The following MIB1 variants were observed in gnomAD, a reference collection of about 807,000 sequenced individuals.
The protein encoded by MIB1 is E3 ubiquitin-protein ligase MIB1.
In MIB1, 278 loss-of-function variants were observed where a neutral mutation model predicts 124.5. The ratio of observed to expected loss-of-function variants is 2.23; its 90% CI spans 2.02 to 2.47. MIB1 has a LOEUF of 2.47. Ranked by LOEUF, MIB1 falls within the 30% of genes most tolerant of loss-of-function variation. MIB1 has a pLI of 0.00. For synonymous variants in MIB1, 446 were observed against 429.4 expected (o/e 1.04, Z -0.48); for missense variants, 957 against 1,254.4 (o/e 0.76, Z 3.58).
chr18:21,781,412 TATAA>T (rs2041365864), intron 6 of MIB1, among the ~76,000 whole-genome samples: 4 of 97,610 alleles, frequency 4.1e-5, no homozygotes, highest in South Asian at 3.3e-4. Context: ...TATATATATA[TATAA>T]AATTATTATT....
intron 1 of MIB1, among the ~76,000 whole-genome samples, chr18:21,735,582 C>T (rs946356671): frequency 2.0e-5 from 3 of 152,040 alleles, no homozygotes; most frequent in African/African-American, 4.8e-5. Context: ...TCTGGCTCAG[C>T]GGGTCCCATC....
Position 21,740,859 on chromosome 18 carries a change from C to G in MIB1, c.-725C>G, listed in dbSNP as rs1199496213. 6.6e-6 allele frequency among the ~76,000 whole-genome samples: 1 copy of G among 152,262 alleles called. No individual in the cohort carries two copies. Among genetic ancestry groups the G allele is most frequent in the Non-Finnish European group, 1.5e-5 (1 of 68,042 alleles). ...TTTCTTCCCGCGATCGCGCGGCTCT[C>G]TGGAAGCCTTCCCACTCTATTATTG... On this transcript the variant is annotated 5_prime_UTR_variant, in exon 1 of 21. Transcript: ENST00000261537.
Position 21,864,533 on chromosome 18 carries a change from G to A in MIB1, c.2888G>A (p.Cys963Tyr), listed in dbSNP as rs1221906150. 1 of 1,611,780 alleles carries A rather than the reference G, an allele frequency of 6.2e-7. No individual in the cohort carries two copies. The highest frequency in any genetic ancestry group is 8.5e-7 in the Non-Finnish European group (1 of 1,178,198). ...TGTTATCTCACATTACAGACAATGT[G>A]CCCTGTGTGTCTAGATCGTCTGAAG... Reference protein sequence around the residue: ...QLQDIKEQTMCPVCLDRLKNM... With the variant: ...QLQDIKEQTMYPVCLDRLKNM... Residue 963 changes from cysteine (C) to tyrosine (Y), a missense_variant, in exon 21 of 21, where the codon TGC (cysteine) becomes TAC (tyrosine). By Grantham distance (194) the Cys-to-Tyr change is radical (BLOSUM62 -2). Transcript: ENST00000261537.
chr18:21,864,597 C>CT lies in MIB1; in HGVS notation c.2953dup (p.Cys985LeufsTer7). The CT allele has an allele frequency of 6.2e-7, 1 of 1,613,792 alleles. No individual in the cohort carries two copies. The highest frequency in any genetic ancestry group is 8.5e-7 in the Non-Finnish European group (1 of 1,179,696). On this transcript the variant is annotated frameshift_variant, in exon 21 of 21. Coordinates refer to ENST00000261537, the MANE Select transcript of MIB1 (RefSeq NM_020774.4). LOFTEE classifies it high-confidence loss of function. ...TTTGTGGTCACGGAACCTGTCAACT[C>CT]TGTGGAGACCGCATGAGTGAATGTC... is the stretch of plus-strand genomic sequence containing the variant.
intron 10 of MIB1, among the ~76,000 whole-genome samples, chr18:21,812,111 CAG>C (rs748604687): frequency 6.6e-6 from 1 of 152,026 alleles, no homozygotes; most frequent in African/African-American, 2.4e-5. Context: ...TTGTGAGAGT[CAG>C]GGGAAATTTC....
chr18:21,830,991 A>G (rs1328506975), intron 12 of MIB1, among the ~76,000 whole-genome samples: 1 of 152,040 alleles, frequency 6.6e-6, no homozygotes, highest in East Asian at 1.9e-4. Context: ...AGGGAAAGTT[A>G]AGCAATCAAA....
intron 1 of MIB1, among the ~76,000 whole-genome samples, chr18:21,742,954 T>A (rs773165778): frequency 9.2e-5 from 14 of 152,172 alleles, no homozygotes; most frequent in South Asian, 2.1e-4. Context: ...TTAAAAAAAA[T>A]TTTTGTTTTA....
At chr18:21,769,855 G>T (rs150162414) in intron 3 of MIB1, among the ~76,000 whole-genome samples, 37 of 152,286 alleles carry the variant, frequency 2.4e-4, no homozygotes, top group African/African-American at 8.7e-4. Flanking sequence ...TTGAGGCTTT[G>T]AGTCATTCTG....
intron 7 of MIB1, among the ~76,000 whole-genome samples, chr18:21,795,329 A>C (rs956047811): frequency 5.3e-4 from 72 of 137,132 alleles, no homozygotes; most frequent in African/African-American, 1.9e-3. Context: ...ATAATATATA[A>C]ATATATAATA....
chr18:21,795,523 A>G (rs906513122), intron 7 of MIB1, among the ~76,000 whole-genome samples: 11 of 151,146 alleles, frequency 7.3e-5, no homozygotes, highest in African/African-American at 2.7e-4. Context: ...ATAGGATGAT[A>G]TAAGGGGCAA....
intron 20 of MIB1, 98 bp from the exon 21 acceptor site, chr18:21,864,428 T>C (rs1006786928): frequency 3.1e-6 from 3 of 970,330 alleles, no homozygotes; most frequent in South Asian, 1.9e-5. Context: ...AAAATATTAT[T>C]TGACTAAAAC....
chr18:21,843,039 C>G, intron 13 of MIB1, 92 bp from the exon 14 acceptor site: 1 of 800,060 alleles, frequency 1.2e-6, no homozygotes, highest in Non-Finnish European at 2.0e-6. Context: ...CAGCAGTGTT[C>G]GGTGTTATTT....
chr18:21,852,158 TTGTTGG>T (rs2042185839), intron 17 of MIB1, among the ~76,000 whole-genome samples: 1 of 152,200 alleles, frequency 6.6e-6, no homozygotes, highest in Admixed American at 6.5e-5. Context: ...GTTAGGTAAT[TTGTTGG>T]TGTTGGAGGT....
At chr18:21,795,315 A>C (rs1037843998) in intron 7 of MIB1, among the ~76,000 whole-genome samples, 2 of 142,124 alleles carry the variant, frequency 1.4e-5, no homozygotes, top group Non-Finnish European at 3.0e-5. Context: ...AATATATATT[A>C]TATATAATAT....
chr18:21,779,834 G>A, intron 6 of MIB1, 149 bp downstream of exon 6: 1 of 646,534 alleles, frequency 1.5e-6, no homozygotes. Flanking sequence ...TATTGGTAAG[G>A]TGGAGAGAAA....
intron 17 of MIB1, among the ~76,000 whole-genome samples, chr18:21,852,584 G>T (rs998895927): frequency 1.3e-5 from 2 of 152,204 alleles, no homozygotes; most frequent in South Asian, 2.1e-4. Context: ...TCTTGCTAGA[G>T]ATCAGGGAAA....
chr18:21,843,248 A>G, intron 14 of MIB1, 31 bp downstream of exon 14: 1 of 1,468,916 alleles, frequency 6.8e-7, no homozygotes, highest in East Asian at 2.4e-5. Flanking sequence ...TTAGCTTATA[A>G]TTACATTTTA....
At chr18:21,857,302 A>G in intron 19 of MIB1, 59 bp downstream of exon 19, 1 of 1,021,712 alleles carries the variant, frequency 9.8e-7, no homozygotes, top group Non-Finnish European at 1.5e-6. Flanking sequence ...TTGCATAAAC[A>G]CCTCTTCTCT....
intron 16 of MIB1, among the ~76,000 whole-genome samples, chr18:21,848,862 T>C (rs990019172): frequency 6.6e-6 from 1 of 152,170 alleles, no homozygotes; most frequent in Non-Finnish European, 1.5e-5. Context: ...CCTCTGCTGG[T>C]TCTATATAGA....
Sources: gnomAD v4.1 joint callset for allele counts (sites outside exome capture counted in the v4.1 genomes callset) on GRCh38, gnomAD v4.1.1 for gene constraint, MANE v1.5 for transcripts, NCBI Gene and HGNC (gene_info 2026-07-23, HGNC 2026-07-21) for gene names.